The following CDK17 variants were observed in gnomAD, a reference collection of about 807,000 sequenced individuals.
CDK17 encodes cyclin dependent kinase 17, also known as cyclin-dependent kinase 17.
Under a neutral mutation model 77.6 loss-of-function variants are expected in CDK17, and 24 were observed. The observed-to-expected ratio is 0.31, with a 90% CI of 0.22 to 0.44. The LOEUF is 0.44. CDK17 is among the 20% of genes least tolerant of loss of function. CDK17 has a pLI of 1.00. For synonymous variants in CDK17, 203 were observed against 210.4 expected (o/e 0.96, Z 0.30); for missense variants, 429 against 622.5 (o/e 0.69, Z 3.31).
intron 1 of CDK17, among the ~76,000 whole-genome samples, chr12:96,380,414 G>A (rs1420874504): frequency 6.6e-6 from 1 of 151,576 alleles, no homozygotes; most frequent in Admixed American, 6.6e-5. Context: ...CCGAGTAGCT[G>A]GGATTACAGG....
chr12:96,305,330 A>G (rs1052955211), intron 5 of CDK17, among the ~76,000 whole-genome samples: 3 of 152,240 alleles, frequency 2.0e-5, no homozygotes, highest in South Asian at 2.1e-4. Context: ...AAATCTGAAT[A>G]AAGTATGGAG....
chr12:96,282,070 T>C (rs937233703), intron 15 of CDK17: 6 of 153,712 alleles, frequency 3.9e-5, no homozygotes, highest in Admixed American at 3.9e-4. Flanking sequence ...AAAGTCAGTG[T>C]GACCACAATA....
In CDK17 at chr12:96,295,035, T is replaced by C; in HGVS notation, c.961A>G (p.Ile321Val). 3 of 1,613,030 alleles carry C rather than the reference T, an allele frequency of 1.9e-6. No homozygotes were observed. The highest frequency in any genetic ancestry group is 2.5e-6 in the Non-Finnish European group (3 of 1,179,376). ...HRDLKPQNLL[I>V]NEKGELKLAD... ...AGCTTTAATTCTCCTTTCTCATTAATGAGGAGGTTCTGTGGTTTCAAGTCT... is the reference window on the plus strand; with the variant it reads ...AGCTTTAATTCTCCTTTCTCATTAACGAGGAGGTTCTGTGGTTTCAAGTCT... Residue 321 changes from isoleucine to valine, a missense_variant, in exon 10 of 17, where the codon ATT becomes GTT. Transcript: ENST00000261211.
chr12:96,315,774 G>GGAGA (rs1372798797), intron 3 of CDK17, among the ~76,000 whole-genome samples: 1 of 152,124 alleles, frequency 6.6e-6, no homozygotes, highest in Non-Finnish European at 1.5e-5. Flanking sequence ...CAGTGTCTTA[G>GGAGA]GAGAGGCTGC....
chr12:96,355,721 T>C (rs1163510915), intron 1 of CDK17, among the ~76,000 whole-genome samples: 1 of 152,142 alleles, frequency 6.6e-6, no homozygotes, highest in Non-Finnish European at 1.5e-5. Context: ...TGGTCTATTG[T>C]CGATTCCCTC....
chr12:96,303,712 G>A (rs1284941438), intron 5 of CDK17, among the ~76,000 whole-genome samples: 4 of 151,766 alleles, frequency 2.6e-5, no homozygotes, highest in Non-Finnish European at 5.9e-5. Flanking sequence ...ATTTATAATA[G>A]TCTTCCTAGA....
intron 1 of CDK17, among the ~76,000 whole-genome samples, chr12:96,382,266 C>A (rs1465884439): frequency 5.9e-5 from 9 of 151,698 alleles, no homozygotes; most frequent in Admixed American, 5.9e-4. Flanking sequence ...AGGATAAATT[C>A]CTGGAAACAC....
intron 1 of CDK17, among the ~76,000 whole-genome samples, chr12:96,393,561 C>G (rs1018141682): frequency 1.3e-5 from 2 of 151,640 alleles, no homozygotes; most frequent in African/African-American, 2.4e-5. Flanking sequence ...GGCAAAACCC[C>G]ATCTCTACTA....
chr12:96,327,648 T>G (rs1409683113), intron 2 of CDK17, among the ~76,000 whole-genome samples: 1 of 152,036 alleles, frequency 6.6e-6, no homozygotes, highest in Non-Finnish European at 1.5e-5. Flanking sequence ...CCTGGGCTCA[T>G]GTGGTCCTCC....
intron 1 of CDK17, among the ~76,000 whole-genome samples, chr12:96,380,010 A>C (rs1397326164): frequency 6.6e-6 from 1 of 151,674 alleles, no homozygotes; most frequent in Non-Finnish European, 1.5e-5. Context: ...CTCTACAAAA[A>C]ATACAAAAAT....
intron 1 of CDK17, among the ~76,000 whole-genome samples, chr12:96,392,687 G>A (rs554421470): frequency 2.6e-5 from 4 of 152,150 alleles, no homozygotes; most frequent in East Asian, 1.9e-4. Context: ...TAGGGGATTC[G>A]AGTTCAGTTT....
intron 4 of CDK17, among the ~76,000 whole-genome samples, chr12:96,311,999 G>A (rs908970670): frequency 2.0e-5 from 3 of 152,150 alleles, no homozygotes; most frequent in African/African-American, 7.2e-5. Context: ...ATATGGGGGA[G>A]GGATACAGAA....
At position 96,280,254 on chromosome 12, in the gene CDK17, G is replaced by T; in HGVS notation, c.1560C>A (p.Ser520Arg). The T allele has an allele frequency of 6.4e-7, 1 of 1,551,162 alleles. No homozygotes were observed. Residue 520 changes from serine to arginine, a missense_variant, in exon 17 of 17, where the codon AGC (serine) becomes AGA (arginine). Around this residue, in one of 4 missense-constraint regions of CDK17, gnomAD observed 115 missense variants for 124.2 expected, o/e 0.93. Transcript: ENST00000261211. ...CATGTTATCAGACTTAAAAGAGCAT[G>T]CTCTGTCTTCTGTTCTTCCCATGTC... Reference protein sequence around the residue: ...ETGHGKNRRQSMLF With the variant: ...ETGHGKNRRQRMLF
intron 1 of CDK17, among the ~76,000 whole-genome samples, chr12:96,361,182 G>C (rs1953487772): frequency 6.6e-6 from 1 of 152,200 alleles, no homozygotes; most frequent in South Asian, 2.1e-4. Flanking sequence ...GAAATGGCTA[G>C]TTGATGCTGG....
At chr12:96,335,109 T>A (rs1953024529) in intron 1 of CDK17, 1 of 545,484 alleles carries the variant, frequency 1.8e-6, no homozygotes, top group Admixed American at 2.4e-5. Flanking sequence ...ACTTTAAGCA[T>A]CACAAATAAG....
intron 1 of CDK17, among the ~76,000 whole-genome samples, chr12:96,397,362 A>C (rs946147824): frequency 2.6e-5 from 4 of 151,978 alleles, no homozygotes; most frequent in Non-Finnish European, 5.9e-5. Flanking sequence ...ACACATGGGG[A>C]TCAATTCCTC....
intron 1 of CDK17, among the ~76,000 whole-genome samples, chr12:96,336,458 C>T (rs1488255264): frequency 2.6e-5 from 4 of 152,250 alleles, no homozygotes; most frequent in East Asian, 1.9e-4. Flanking sequence ...GAATAAGATG[C>T]TCTCTTAAAT....
intron 1 of CDK17, among the ~76,000 whole-genome samples, chr12:96,344,781 T>G (rs10777787): frequency 6.6e-6 from 1 of 151,782 alleles, no homozygotes; most frequent in Non-Finnish European, 1.5e-5. Flanking sequence ...TAACGCACTT[T>G]TGGTTTTTAA....
intron 1 of CDK17, among the ~76,000 whole-genome samples, chr12:96,367,191 A>T (rs980219822): frequency 6.6e-6 from 1 of 151,758 alleles, no homozygotes; most frequent in African/African-American, 2.4e-5. Flanking sequence ...AAAAATACAA[A>T]AAAATTAGCT....
Sources: allele counts gnomAD v4.1 joint callset (sites outside exome capture counted in the v4.1 genomes callset), GRCh38; gene constraint gnomAD v4.1.1; regional missense constraint gnomAD v4.1.1; transcripts MANE v1.5; gene names NCBI Gene and HGNC (gene_info 2026-07-23, HGNC 2026-07-21).